Variants in SKA1 observed in about 807,000 individuals in gnomAD.
SKA1 encodes SKA complex subunit 1.
In SKA1, 20 loss-of-function variants were observed where a neutral mutation model predicts 31.8. The ratio of observed to expected loss-of-function variants is 0.63; its 90% CI spans 0.44 to 0.91. The LOEUF (loss-of-function observed/expected upper bound fraction) is 0.91. Among genes scored for constraint, SKA1 ranks in the 40% least tolerant of loss-of-function variants. SKA1 has a pLI of 0.00. For missense variants in SKA1, 253 were observed against 298.2 expected (o/e 0.85, Z 1.12); for synonymous variants, 88 against 100.5 (o/e 0.88, Z 0.74).
chr18:50,387,267 G>A (rs752223714), intron 5 of SKA1, among the ~76,000 whole-genome samples: 2 of 152,212 alleles, frequency 1.3e-5, no homozygotes, highest in Non-Finnish European at 2.9e-5. Context: ...TTGACATTGA[G>A]CATCTTTTCA....
At chr18:50,390,347 G>A (rs886875185) in intron 5 of SKA1, among the ~76,000 whole-genome samples, 1 of 152,204 alleles carries the variant, frequency 6.6e-6, no homozygotes, top group African/African-American at 2.4e-5. Context: ...CTTACAATTT[G>A]TTGAAGAGAC....
At chr18:50,382,661 T>A (rs141038503) in intron 4 of SKA1, among the ~76,000 whole-genome samples, 211 of 152,110 alleles carry the variant, frequency 1.4e-3, no homozygotes, top group African/African-American at 4.6e-3. Context: ...CAAATGCCTC[T>A]GAGGGCAAAA....
rs960070033 is a variant in SKA1 at position 50,375,094 on chromosome 18, A to G, written c.-112A>G. The G allele has an allele frequency of 5.2e-5, 8 of 152,408 alleles. No homozygotes were observed. Among genetic ancestry groups the G allele is most frequent in the East Asian group, 1.9e-4 (1 of 5,196 alleles). 9.4% of individuals were successfully genotyped at this position (152,408 alleles called of 1,614,324 possible). ...GCGGCGGGCGGTTTGAATTTTGCTTACAGAGTCCCGTCTCACCATCCTGGG... is the reference window on the plus strand; with the variant it reads ...GCGGCGGGCGGTTTGAATTTTGCTTGCAGAGTCCCGTCTCACCATCCTGGG... On this transcript the variant is annotated 5_prime_UTR_variant, in exon 1 of 7. Transcript: ENST00000285116.
intron 4 of SKA1, among the ~76,000 whole-genome samples, chr18:50,384,871 T>G (rs867269161): frequency 4.8e-5 from 4 of 82,598 alleles, no homozygotes; most frequent in East Asian, 3.8e-4. Flanking sequence ...AAAAAAAAAT[T>G]AAAAAAAAAA....
At chr18:50,376,328 C>A (rs2041215303) in intron 2 of SKA1, among the ~76,000 whole-genome samples, 1 of 152,168 alleles carries the variant, frequency 6.6e-6, no homozygotes, top group South Asian at 2.1e-4. Context: ...TGTACACAAA[C>A]CTAGATGGTA....
chr18:50,380,234 C>A lies in SKA1; in HGVS notation c.197C>A (p.Thr66Asn). The change falls in exon 3 of 7, where the codon ACC becomes AAC. Residue 66 changes from threonine to asparagine, a missense_variant. Coordinates refer to ENST00000285116, the MANE Select transcript of SKA1 (RefSeq NM_145060.4). Reference sequence around the variant, plus strand: ...TTGGAAATTCAGTATCAAGAACAAACCAACAATTCACTCAAGGTAATGTTT... The same window carrying A: ...TTGGAAATTCAGTATCAAGAACAAAACAACAATTCACTCAAGGTAATGTTT... ...LELEIQYQEQ[T>N]NNSLKELCES... 6.5e-7 allele frequency: 1 copy of A among 1,545,170 alleles called. No individual in the cohort carries two copies.
chr18:50,382,973 G>A (rs543316721), intron 4 of SKA1, among the ~76,000 whole-genome samples: 2 of 152,352 alleles, frequency 1.3e-5, no homozygotes, highest in African/African-American at 4.8e-5. Context: ...GGTCAAGGCT[G>A]CGGTGAGCCC....
Position 50,391,267 on chromosome 18 carries a change from TTGA to T in SKA1, c.597_599del (p.Asp199del). On this transcript the variant is annotated inframe_deletion, in exon 6 of 7. Transcript: ENST00000285116. ...ACCAGAAATCTCTATCACAGATTTATTGATGAAGAAACGAAGGATACCAAAGGT... is the reference window on the plus strand; with the variant it reads ...ACCAGAAATCTCTATCACAGATTTATTGAAGAAACGAAGGATACCAAAGGT... 6.3e-7 allele frequency: 1 copy of T among 1,599,034 alleles called. No homozygotes were observed. The highest frequency in any genetic ancestry group is 1.4e-5 in the African/African-American group (1 of 74,050).
chr18:50,377,594 CAG>C (rs1361281670), intron 2 of SKA1, among the ~76,000 whole-genome samples: 3 of 152,144 alleles, frequency 2.0e-5, no homozygotes, highest in East Asian at 3.8e-4. Context: ...TTCAGAGAAA[CAG>C]ATGATCCTTG....
chr18:50,391,048 T>G (rs1409881874), intron 5 of SKA1, 76 bp from the exon 6 acceptor site: 2 of 1,072,646 alleles, frequency 1.9e-6, no homozygotes, highest in African/African-American at 3.2e-5. Flanking sequence ...AAAGTCATCA[T>G]ACTTATGTTT....
intron 2 of SKA1, 76 bp from the exon 3 acceptor site, chr18:50,380,050 T>C (rs1306787659): frequency 7.8e-7 from 1 of 1,277,194 alleles, no homozygotes; most frequent in Non-Finnish European, 1.0e-6. Flanking sequence ...CTATCTATTC[T>C]AAGAGTTCGC....
chr18:50,385,555 G>T (rs1173192444), intron 5 of SKA1, among the ~76,000 whole-genome samples: 1 of 152,166 alleles, frequency 6.6e-6, no homozygotes, highest in Non-Finnish European at 1.5e-5. Flanking sequence ...TCTAGAGATG[G>T]ATCAATTCAT....
chr18:50,384,871 TAAAAAAAAAAAAAAAAAAAGGA>T (rs1191135956), intron 4 of SKA1, among the ~76,000 whole-genome samples: 1 of 82,600 alleles, frequency 1.2e-5, no homozygotes, highest in Non-Finnish European at 2.1e-5. Flanking sequence ...AAAAAAAAAT[TAAAAAAAAAAAAAAAAAAAGGA>T]AAAAAAAAAA....
chr18:50,393,578 G>A lies in SKA1; in HGVS notation c.*1331G>A, dbSNP rs911635425. On this transcript the variant is annotated 3_prime_UTR_variant, in exon 7 of 7. Coordinates refer to ENST00000285116, the MANE Select transcript of SKA1 (RefSeq NM_145060.4). ...CAGTCTGTAAACTTCAACCTGTAAT[G>A]AAAGTGTAATAAATGTACATTGAGT... 9.2e-5 allele frequency: 14 copies of A among 152,164 alleles called. No individual in the cohort carries two copies. The highest frequency in any genetic ancestry group is 3.4e-4 in the African/African-American group (14 of 41,432). The allele number at this position is 152,164 out of a possible 1,614,324, so 9.4% of individuals were successfully genotyped here. A position where few individuals can be genotyped will look rare whatever the true frequency, so the allele number is the denominator to read the frequency against.
intron 5 of SKA1, among the ~76,000 whole-genome samples, chr18:50,385,833 G>T (rs991462563): frequency 6.6e-6 from 1 of 152,140 alleles, no homozygotes; most frequent in Non-Finnish European, 1.5e-5. Context: ...GGTCTCCCTT[G>T]CCTTTTACAT....
At chr18:50,382,057 C>G in intron 3 of SKA1, 72 bp from the exon 4 acceptor site, 1 of 933,200 alleles carries the variant, frequency 1.1e-6, no homozygotes. Context: ...ACTGTTTTCC[C>G]TGCTCTTTAG....
intron 5 of SKA1, among the ~76,000 whole-genome samples, chr18:50,388,874 T>TG (rs2041332911): frequency 1.3e-5 from 2 of 151,954 alleles, no homozygotes; most frequent in East Asian, 1.9e-4. Flanking sequence ...CATGGAAGTA[T>TG]GGGGGGGCTC....
In SKA1 at chr18:50,381,212, G is replaced by A. The variant is rs930551666; in HGVS notation, c.214-917G>A. ...ACATTGTGATTGGGAGCCAGATGGC[G>A]GGAATCCAAAGGCACAAAATATTTT... is the stretch of plus-strand genomic sequence containing the variant. On this transcript the variant is annotated intron_variant, in intron 3 of 6. Transcript: ENST00000285116. 5.9e-5 allele frequency among the ~76,000 whole-genome samples: 9 copies of A among 152,220 alleles called. 1 individual carries two copies. Among genetic ancestry groups the A allele is most frequent in the Admixed American group, 2.0e-4 (3 of 15,286 alleles).
intron 4 of SKA1, among the ~76,000 whole-genome samples, chr18:50,384,796 T>C (rs915806690): frequency 1.6e-5 from 2 of 128,438 alleles, no homozygotes; most frequent in Middle Eastern, 4.1e-3. Context: ...GCATGGCACA[T>C]GTATACATAT....
Sources: gnomAD v4.1 joint callset for allele counts (sites outside exome capture counted in the v4.1 genomes callset) on GRCh38, gnomAD v4.1.1 for gene constraint, MANE v1.5 for transcripts, NCBI Gene and HGNC (gene_info 2026-07-23, HGNC 2026-07-21) for gene names.